The following NCAM2 variants were observed in gnomAD, a reference collection of about 807,000 sequenced individuals.
The protein encoded by NCAM2 is neural cell adhesion molecule 2.
A neutral mutation model predicts 98.1 loss-of-function variants in NCAM2; 30 were observed. The ratio of observed to expected loss-of-function variants is 0.31; its 90% CI spans 0.23 to 0.41. The LOEUF (loss-of-function observed/expected upper bound fraction) is 0.41. Among genes scored for constraint, NCAM2 ranks in the 10% least tolerant of loss-of-function variants. The probability of loss-of-function intolerance (pLI) is 1.00; values close to 1 mark genes in which losing one functional copy is unlikely to be tolerated. For synonymous variants in NCAM2, 368 were observed against 342.4 expected (o/e 1.07, Z -0.83); for missense variants, 867 against 1,005.8 (o/e 0.86, Z 1.87).
At chr21:21,171,795 C>T (rs2068132933) in intron 1 of NCAM2, among the ~76,000 whole-genome samples, 1 of 152,024 alleles carries the variant, frequency 6.6e-6, no homozygotes, top group Non-Finnish European at 1.5e-5. Context: ...ATTTATTGTA[C>T]TCGAGAATGC....
chr21:21,069,640 C>T (rs1568989150), intron 1 of NCAM2, among the ~76,000 whole-genome samples: 1 of 152,102 alleles, frequency 6.6e-6, no homozygotes, highest in Non-Finnish European at 1.5e-5. Flanking sequence ...AAATGTATGA[C>T]ACAAATTGTG....
chr21:21,338,616 C>T, intron 8 of NCAM2, 82 bp downstream of exon 8: 1 of 1,284,420 alleles, frequency 7.8e-7, no homozygotes. Context: ...AAATTAGTCT[C>T]CAATTTACCT....
chr21:21,376,855 A>G (rs533701774), intron 9 of NCAM2, among the ~76,000 whole-genome samples: 1 of 151,868 alleles, frequency 6.6e-6, no homozygotes, highest in South Asian at 2.1e-4. Flanking sequence ...TTAAACAGGG[A>G]TGAAAGGTCT....
At chr21:21,099,904 T>G (rs2146483344) in intron 1 of NCAM2, among the ~76,000 whole-genome samples, 1 of 150,236 alleles carries the variant, frequency 6.7e-6, no homozygotes, top group South Asian at 2.1e-4. Context: ...TTATTGCCAT[T>G]TTTTACTTTT....
intron 12 of NCAM2, among the ~76,000 whole-genome samples, chr21:21,456,117 T>C (rs1982107905): frequency 1.3e-5 from 2 of 152,138 alleles, no homozygotes; most frequent in Admixed American, 6.6e-5. Flanking sequence ...TGTTCCATAG[T>C]AGAGAATACA....
intron 14 of NCAM2, among the ~76,000 whole-genome samples, chr21:21,476,651 T>G (rs1315514922): frequency 6.6e-6 from 1 of 152,180 alleles, no homozygotes; most frequent in Admixed American, 6.5e-5. Flanking sequence ...AATTTATATT[T>G]TAGAAAAAGA....
At chr21:21,395,130 G>A (rs780559620) in intron 9 of NCAM2, among the ~76,000 whole-genome samples, 1 of 152,062 alleles carries the variant, frequency 6.6e-6, no homozygotes, top group Admixed American at 6.6e-5. Flanking sequence ...TCAGGAGTTC[G>A]AGACCAGCCT....
chr21:21,339,383 T>G (rs951142940), intron 8 of NCAM2, among the ~76,000 whole-genome samples: 4 of 152,040 alleles, frequency 2.6e-5, no homozygotes, highest in African/African-American at 9.7e-5. Context: ...TTACTATATG[T>G]TTCACTATAC....
chr21:21,300,984 C>A lies in NCAM2; in HGVS notation c.619+8743C>A, dbSNP rs568692511. 2.0e-5 allele frequency among the ~76,000 whole-genome samples: 3 copies of A among 151,940 alleles called. No individual in the cohort carries two copies. In the South Asian group the frequency reaches 6.2e-4, roughly 32 times the overall value. On this transcript the variant is annotated intron_variant, in intron 5 of 17. Transcript: ENST00000400546. ...TAATGTATGTGTATATATAGATATG[C>A]GTTTGTGTGTCGGAAAAATAATCAC...
At chr21:21,073,881 C>T (rs1305642487) in intron 1 of NCAM2, among the ~76,000 whole-genome samples, 1 of 152,110 alleles carries the variant, frequency 6.6e-6, no homozygotes, top group Admixed American at 6.5e-5. Context: ...GGTTTATCTT[C>T]CATATGTTAC....
At chr21:21,222,939 T>C (rs1601691197) in intron 1 of NCAM2, among the ~76,000 whole-genome samples, 1 of 152,154 alleles carries the variant, frequency 6.6e-6, no homozygotes, top group East Asian at 1.9e-4. Flanking sequence ...TTTTAAGAAA[T>C]TGGCACAACC....
At chr21:21,015,870 A>AT (rs759444885) in intron 1 of NCAM2, among the ~76,000 whole-genome samples, 3,334 of 148,906 alleles carry the variant, frequency 0.022, 66 homozygotes, top group Non-Finnish European at 0.028. Flanking sequence ...TGCCTGGCTA[A>AT]TTTTTTTTTT....
chr21:21,026,802 T>G (rs1239103332), intron 1 of NCAM2, among the ~76,000 whole-genome samples: 1 of 152,014 alleles, frequency 6.6e-6, no homozygotes, highest in Non-Finnish European at 1.5e-5. Context: ...CACCATTTTC[T>G]TAATCCTATA....
At chr21:21,218,153 T>C (rs1323919543) in intron 1 of NCAM2, among the ~76,000 whole-genome samples, 13 of 152,336 alleles carry the variant, frequency 8.5e-5, no homozygotes, top group East Asian at 3.9e-4. Flanking sequence ...GAGAACACTT[T>C]GCATAAATGC....
chr21:21,437,541 G>T (rs547203397), intron 12 of NCAM2, among the ~76,000 whole-genome samples: 1 of 144,342 alleles, frequency 6.9e-6, no homozygotes, highest in Non-Finnish European at 1.5e-5. Flanking sequence ...GGATATTAAC[G>T]GTCCCGGTTT....
At chr21:21,428,737 T>G (rs2146008140) in intron 11 of NCAM2, among the ~76,000 whole-genome samples, 1 of 152,302 alleles carries the variant, frequency 6.6e-6, no homozygotes, top group South Asian at 2.1e-4. Flanking sequence ...TGAAGACAAT[T>G]ACAGATTACA....
intron 1 of NCAM2, among the ~76,000 whole-genome samples, chr21:21,136,961 C>T (rs1439434604): frequency 2.0e-5 from 3 of 151,568 alleles, no homozygotes; most frequent in African/African-American, 7.3e-5. Context: ...TTATTACTGC[C>T]AAGAGTTAAT....
At chr21:21,477,705 TGACTAG>T (rs1188321537) in intron 15 of NCAM2, among the ~76,000 whole-genome samples, 2 of 152,116 alleles carry the variant, frequency 1.3e-5, no homozygotes, top group African/African-American at 4.8e-5. Context: ...GGAGAAAGAA[TGACTAG>T]GAGAACATAG....
At chr21:21,081,741 C>T (rs1197743775) in intron 1 of NCAM2, among the ~76,000 whole-genome samples, 1 of 151,642 alleles carries the variant, frequency 6.6e-6, no homozygotes, top group African/African-American at 2.4e-5. Flanking sequence ...GTGGAGGTTG[C>T]AGTGAGCCGA....
Sources: gnomAD v4.1 joint callset for allele counts (sites outside exome capture counted in the v4.1 genomes callset) on GRCh38, gnomAD v4.1.1 for gene constraint, MANE v1.5 for transcripts, NCBI Gene and HGNC (gene_info 2026-07-23, HGNC 2026-07-21) for gene names.